The following NAV3 variants were observed in gnomAD, a reference collection of about 807,000 sequenced individuals.
NAV3 encodes neuron navigator 3.
NAV3 carries 87 observed loss-of-function variants against 244.7 expected under a neutral mutation model. That is an observed-to-expected ratio of 0.36 (90% CI 0.30 to 0.42). NAV3 has a LOEUF of 0.42. Ranked by LOEUF, NAV3 falls within the 20% of genes least tolerant of loss-of-function variation. NAV3 has a pLI of 1.00. For synonymous variants in NAV3, 1,126 were observed against 1,042.2 expected, an observed-to-expected ratio of 1.08 and a Z score of -1.55; for missense variants, 2,663 against 2,893.3, an observed-to-expected ratio of 0.92 and a Z score of 1.83.
intron 23 of NAV3, among the ~76,000 whole-genome samples, chr12:78,167,087 T>G (rs1342347163): frequency 2.6e-5 from 4 of 151,752 alleles, no homozygotes; most frequent in African/African-American, 9.7e-5. Flanking sequence ...CAGTGAATAT[T>G]TTATTTCTTG....
At chr12:78,158,742 G>A (rs548069160) in intron 22 of NAV3, among the ~76,000 whole-genome samples, 11 of 152,074 alleles carry the variant, frequency 7.2e-5, no homozygotes, top group South Asian at 2.1e-4. Context: ...TTGATGGAGC[G>A]TATCATTACA....
intron 1 of NAV3, among the ~76,000 whole-genome samples, chr12:77,925,749 GAC>G (rs1476518816): frequency 1.3e-5 from 2 of 152,076 alleles, no homozygotes; most frequent in Admixed American, 1.3e-4. Flanking sequence ...TCACTGGAGA[GAC>G]ACCAACTGCA....
At position 77,884,839 on chromosome 12, in the gene NAV3, A is replaced by T. The variant is rs114275673; in HGVS notation, c.243+53135A>T. 2.4e-3 allele frequency among the ~76,000 whole-genome samples: 365 copies of T among 152,298 alleles called. 2 individuals carry two copies. Among genetic ancestry groups the T allele is most frequent in the African/African-American group, 8.6e-3 (358 of 41,582 alleles). ...GTACTCCTGATTATTTCATTGTTTC[A>T]GTAATTCTGATGTTCACCGTTAATT... On this transcript the variant is annotated intron_variant, in intron 1 of 39. Coordinates refer to ENST00000397909, the MANE Select transcript of NAV3 (RefSeq NM_001024383.2).
At chr12:77,935,889 A>G (rs1025760696) in intron 1 of NAV3, among the ~76,000 whole-genome samples, 1 of 152,140 alleles carries the variant, frequency 6.6e-6, no homozygotes, top group Admixed American at 6.5e-5. Context: ...GAAAAACCAG[A>G]TCTCATGAGA....
chr12:77,749,653 TG>T (rs1228928528), intron 2 of NAV3, among the ~76,000 whole-genome samples: 1 of 152,120 alleles, frequency 6.6e-6, no homozygotes, highest in Non-Finnish European at 1.5e-5. Context: ...GCCAGAAATA[TG>T]AAGTGCCTGC....
chr12:78,032,898 G>T (rs1156724032), intron 9 of NAV3, among the ~76,000 whole-genome samples: 1 of 152,022 alleles, frequency 6.6e-6, no homozygotes, highest in Non-Finnish European at 1.5e-5. Flanking sequence ...TTCTTCTATA[G>T]GTTCACACTT....
At chr12:78,081,336 G>A (rs995330187) in intron 12 of NAV3, among the ~76,000 whole-genome samples, 2 of 152,160 alleles carry the variant, frequency 1.3e-5, no homozygotes, top group African/African-American at 4.8e-5. Flanking sequence ...TAATGAACCT[G>A]GTAGTTCAGT....
chr12:78,049,466 T>C (rs1593389972), intron 9 of NAV3, among the ~76,000 whole-genome samples: 1 of 151,474 alleles, frequency 6.6e-6, no homozygotes, highest in Non-Finnish European at 1.5e-5. Flanking sequence ...GGGGAGGGAG[T>C]TCCCCAACCC....
chr12:78,009,810 T>G (rs1874944477), intron 8 of NAV3, among the ~76,000 whole-genome samples: 1 of 152,160 alleles, frequency 6.6e-6, no homozygotes. Context: ...TATGAAAGAT[T>G]AAAGAAAATA....
chr12:78,090,954 CTGTG>C (rs10581059), intron 12 of NAV3, among the ~76,000 whole-genome samples: 28,266 of 142,276 alleles, frequency 0.2, 2,671 homozygotes, highest in African/African-American at 0.24. Context: ...GTGCTGTATT[CTGTG>C]TGTGTGTGTG....
intron 3 of NAV3, among the ~76,000 whole-genome samples, chr12:77,944,027 G>A (rs145215526): frequency 2.3e-3 from 347 of 152,074 alleles, no homozygotes; most frequent in African/African-American, 7.6e-3. Flanking sequence ...ATAACATTTG[G>A]ATGAACTACA....
intron 12 of NAV3, among the ~76,000 whole-genome samples, chr12:78,109,374 A>T (rs922084618): frequency 6.6e-6 from 1 of 152,052 alleles, no homozygotes; most frequent in African/African-American, 2.4e-5. Flanking sequence ...TCTACCAATC[A>T]TGCAAAGAAG....
intron 1 of NAV3, among the ~76,000 whole-genome samples, chr12:77,939,696 C>T (rs765904146): frequency 1.4e-4 from 22 of 152,108 alleles, no homozygotes; most frequent in Admixed American, 6.6e-5. Flanking sequence ...GCCTTATAAT[C>T]CACTTCTGAA....
chr12:78,033,467 C>T (rs374701821), intron 9 of NAV3, among the ~76,000 whole-genome samples: 19 of 152,040 alleles, frequency 1.2e-4, no homozygotes, highest in African/African-American at 3.4e-4. Flanking sequence ...TGCACTGCAC[C>T]TTCCTCCTCT....
At chr12:77,575,405 A>G (rs1869032639) in intron 2 of NAV3, among the ~76,000 whole-genome samples, 1 of 152,156 alleles carries the variant, frequency 6.6e-6, no homozygotes, top group East Asian at 1.9e-4. Context: ...TTTTCAGTAG[A>G]ACTTTCAGCT....
chr12:77,901,445 C>T (rs1273060945), intron 1 of NAV3, among the ~76,000 whole-genome samples: 1 of 152,118 alleles, frequency 6.6e-6, no homozygotes, highest in Non-Finnish European at 1.5e-5. Context: ...TGTGGTGGCT[C>T]ACGCCTGGAA....
chr12:78,147,132 A>T (rs1207283285), intron 21 of NAV3, among the ~76,000 whole-genome samples: 2 of 152,112 alleles, frequency 1.3e-5, no homozygotes, highest in African/African-American at 4.8e-5. Flanking sequence ...GTCTTATTTT[A>T]TTAGCCTTTA....
At chr12:77,820,797 T>G (rs1456525421) in intron 2 of NAV3, among the ~76,000 whole-genome samples, 1 of 152,168 alleles carries the variant, frequency 6.6e-6, no homozygotes, top group East Asian at 1.9e-4. Context: ...TATATGTAAT[T>G]TTATGTTGCT....
chr12:77,926,052 T>G (rs1190134499), intron 1 of NAV3, among the ~76,000 whole-genome samples: 2 of 152,164 alleles, frequency 1.3e-5, no homozygotes. Context: ...AATTTCTCTA[T>G]TGCTCCCTGT....
Sources: allele counts gnomAD v4.1 joint callset (sites outside exome capture counted in the v4.1 genomes callset), GRCh38; gene constraint gnomAD v4.1.1; transcripts MANE v1.5; gene names NCBI Gene and HGNC (gene_info 2026-07-23, HGNC 2026-07-21).